Variants in PSD3 observed in about 807,000 individuals in gnomAD.
The protein encoded by PSD3 is pleckstrin and Sec7 domain containing 3.
Under a neutral mutation model 105.5 loss-of-function variants are expected in PSD3, and 49 were observed. That is an observed-to-expected ratio of 0.46 (90% CI 0.37 to 0.59). The LOEUF is 0.59. PSD3 is among the 20% of genes least tolerant of loss of function. The pLI, the probability that PSD3 is intolerant of heterozygous loss-of-function variation, is 0.00. For synonymous variants in PSD3, 557 were observed against 457.8 expected (o/e 1.22, Z -2.77); for missense variants, 1,561 against 1,263.8 (o/e 1.24, Z -3.57).
chr8:18,808,987 A>G (rs1043315553), intron 4 of PSD3: 48 of 1,332,536 alleles, frequency 3.6e-5, no homozygotes, highest in Non-Finnish European at 4.6e-5. Context: ...GTTCTAATAA[A>G]AACAGCAGCC....
rs1182791575 is a variant in PSD3, at chr8:18,999,930, C to G, written c.21+13633G>C. The stretch of plus-strand genomic sequence containing the variant: ...TCGGCTTTAATTCCTCTAGGCCTGT[C>G]AAGTTCTTTTAAATCTATAAACTAT... On this transcript the variant is annotated intron_variant, in intron 1 of 15. Transcript: ENST00000327040. The G allele has an allele frequency of 2.6e-5, 4 of 151,320 alleles. 1 individual carries two copies. Among genetic ancestry groups the G allele is most frequent in the Non-Finnish European group, 5.9e-5 (4 of 67,852 alleles). The allele number at this position is 151,320 out of a possible 1,614,324, so 9.4% of individuals were successfully genotyped here.
chr8:18,912,901 G>C (rs574735970), intron 2 of PSD3, among the ~76,000 whole-genome samples: 1 of 152,054 alleles, frequency 6.6e-6, no homozygotes, highest in South Asian at 2.1e-4. Context: ...TTACCATGCT[G>C]TCACAATGAC....
Position 18,765,535 on chromosome 8 carries a change from T to C in PSD3, c.2086A>G (p.Ile696Val), listed in dbSNP as rs1416862975. The part of the protein sequence containing the change: ...LLNTDLHGHN[I>V]GKKMTCQEFI... Reference sequence around the variant, plus strand: ...TCCTGACAGGTCATCTTCTTTCCAATATTCTGAAACAGAGGCAAACAGTAC... The same window carrying C: ...TCCTGACAGGTCATCTTCTTTCCAACATTCTGAAACAGAGGCAAACAGTAC... The change falls in exon 9 of 16, where the codon ATT (isoleucine) becomes GTT (valine). Residue 696 changes from isoleucine (I) to valine (V), a missense_variant. Physicochemically the swap from Ile to Val is conservative, Grantham distance 29 (BLOSUM62 3). Coordinates refer to ENST00000327040, the MANE Select transcript of PSD3 (RefSeq NM_015310.4). 32 of 1,603,982 alleles carry C rather than the reference T, an allele frequency of 2.0e-5. No homozygotes were observed. The highest frequency in any genetic ancestry group is 2.6e-5 in the Non-Finnish European group (30 of 1,170,922).
At chr8:18,565,086 G>C (rs1478851737) in intron 14 of PSD3, among the ~76,000 whole-genome samples, 2 of 152,104 alleles carry the variant, frequency 1.3e-5, no homozygotes, top group Non-Finnish European at 2.9e-5. Flanking sequence ...GTGGGATCTG[G>C]AGCCACCTGC....
At chr8:18,933,254 C>T (rs1244200181) in intron 2 of PSD3, among the ~76,000 whole-genome samples, 1 of 152,094 alleles carries the variant, frequency 6.6e-6, no homozygotes, top group African/African-American at 2.4e-5. Flanking sequence ...ATCTGAGCTG[C>T]TGATACAGGG....
In PSD3 at chr8:18,572,652, C is replaced by T. The variant is rs754550438; in HGVS notation, c.2660G>A (p.Gly887Glu). The change falls in exon 14 of 16, where the codon GGG becomes GAG. Residue 887 changes from glycine (G) to glutamate (E), a missense_variant. Gly to Glu is a moderately conservative substitution (Grantham distance 98, BLOSUM62 -2). Transcript: ENST00000327040. ...CACACAATTGATTTTGTTTATCCAC[C>T]CTTGCATTTCCTCTGGGCTCCTATG... ...FQTQSPEEMQGWINKINCVAA... is the reference protein window; with the variant it reads ...FQTQSPEEMQEWINKINCVAA... 23 of 1,613,868 alleles carry T rather than the reference C, an allele frequency of 1.4e-5. No individual in the cohort carries two copies. The highest frequency in any genetic ancestry group is 1.8e-5 in the Non-Finnish European group (21 of 1,179,856).
At chr8:19,069,167 T>A (rs1438863912) in intron 1 of PSD3, among the ~76,000 whole-genome samples, 1 of 152,218 alleles carries the variant, frequency 6.6e-6, no homozygotes, top group African/African-American at 2.4e-5. Flanking sequence ...TGTCATTAAA[T>A]CTTTACAATG....
chr8:18,683,351 CA>C (rs1294520486), intron 9 of PSD3, among the ~76,000 whole-genome samples: 5 of 152,102 alleles, frequency 3.3e-5, no homozygotes, highest in Non-Finnish European at 7.4e-5. Flanking sequence ...GGGGGAAGAC[CA>C]GGGGAGGAAA....
Position 18,531,427 on chromosome 8 carries a change from G to A in PSD3, c.*4316C>T, listed in dbSNP as rs1472321211. 4 of 152,348 alleles carry A rather than the reference G, an allele frequency of 2.6e-5. No individual in the cohort carries two copies. Among genetic ancestry groups the A allele is most frequent in the Admixed American group, 2.0e-4 (3 of 15,246 alleles). The allele number at this position is 152,348 out of a possible 1,614,324, so 9.4% of individuals were successfully genotyped here. ...GGATTTCAGTCCTTCCTTTATGGATGAGAGATGGAAAAGGAATCTGAGAGA... is the reference window on the plus strand; with the variant it reads ...GGATTTCAGTCCTTCCTTTATGGATAAGAGATGGAAAAGGAATCTGAGAGA... On this transcript the variant is annotated 3_prime_UTR_variant, in exon 16 of 16. Coordinates refer to ENST00000327040, the MANE Select transcript of PSD3 (RefSeq NM_015310.4).
chr8:18,942,744 A>C (rs1278738658), intron 1 of PSD3, among the ~76,000 whole-genome samples: 1 of 152,178 alleles, frequency 6.6e-6, no homozygotes, highest in African/African-American at 2.4e-5. Context: ...TCCAACTTTG[A>C]TCTCGAATTT....
At chr8:19,082,820 C>A (rs1164808906) in intron 1 of PSD3, among the ~76,000 whole-genome samples, 1 of 152,124 alleles carries the variant, frequency 6.6e-6, no homozygotes, top group African/African-American at 2.4e-5. Context: ...CTCCTAAATC[C>A]CGGTAGGAAA....
At chr8:18,737,969 AT>A (rs1293201871) in intron 9 of PSD3, among the ~76,000 whole-genome samples, 1 of 152,228 alleles carries the variant, frequency 6.6e-6, no homozygotes, top group African/African-American at 2.4e-5. Flanking sequence ...GAAACTGCTT[AT>A]AAATTATTTT....
intron 14 of PSD3, among the ~76,000 whole-genome samples, chr8:18,560,381 G>A (rs1801328289): frequency 6.6e-6 from 1 of 152,002 alleles, no homozygotes; most frequent in African/African-American, 2.4e-5. Context: ...CCCACCTTTT[G>A]TCTTTGCTTT....
intron 1 of PSD3, among the ~76,000 whole-genome samples, chr8:19,038,954 C>G (rs565068722): frequency 7.1e-4 from 108 of 152,300 alleles, no homozygotes; most frequent in Non-Finnish European, 1.4e-3. Flanking sequence ...CAAGGACAGA[C>G]AGTAAATGCT....
At chr8:18,791,499 A>G (rs1230032954) in intron 8 of PSD3, among the ~76,000 whole-genome samples, 3 of 151,864 alleles carry the variant, frequency 2.0e-5, no homozygotes, top group African/African-American at 7.2e-5. Flanking sequence ...TATTTAATAC[A>G]TGGTGCTAGA....
At position 18,556,372 on chromosome 8, in the gene PSD3, C is replaced by A; in HGVS notation, c.2785-20G>T. 1.9e-6 allele frequency: 3 copies of A among 1,589,576 alleles called. No individual in the cohort carries two copies. The highest frequency in any genetic ancestry group is 2.6e-6 in the Non-Finnish European group (3 of 1,172,142). ...CTCCTCCTGCAGGAAATCATGATGC[C>A]ATTTAGCGTTCAAAAAAAAAACAAG... On this transcript the variant is annotated intron_variant, in intron 14 of 15. Transcript: ENST00000327040.
chr8:18,679,803 T>C (rs1563166255), intron 9 of PSD3, among the ~76,000 whole-genome samples: 1 of 152,218 alleles, frequency 6.6e-6, no homozygotes, highest in East Asian at 1.9e-4. Flanking sequence ...CTGGAAGTTC[T>C]TGAAATTTCG....
intron 1 of PSD3, among the ~76,000 whole-genome samples, chr8:19,009,807 C>CT (rs1826871218): frequency 6.8e-6 from 1 of 147,190 alleles, no homozygotes; most frequent in Non-Finnish European, 1.5e-5. Flanking sequence ...AGGAGAATTG[C>CT]TTGAGTCTGA....
intron 2 of PSD3, among the ~76,000 whole-genome samples, chr8:18,879,001 C>T (rs1044507492): frequency 1.3e-5 from 2 of 151,470 alleles, no homozygotes; most frequent in Non-Finnish European, 2.9e-5. Flanking sequence ...TTTGCTTTAA[C>T]AGTTTCAACT....
Sources: allele counts gnomAD v4.1 joint callset (sites outside exome capture counted in the v4.1 genomes callset), GRCh38; gene constraint gnomAD v4.1.1; transcripts MANE v1.5; gene names NCBI Gene and HGNC (gene_info 2026-07-23, HGNC 2026-07-21).